Variants in ETV6 observed in about 807,000 individuals in gnomAD.
ETV6 encodes the protein transcription factor ETV6.
Under a neutral mutation model 51.1 loss-of-function variants are expected in ETV6, and 16 were observed. The observed-to-expected ratio is 0.31, with a 90% confidence interval of 0.21 to 0.48. The LOEUF is 0.48. Among genes scored for constraint, ETV6 ranks in the 20% least tolerant of loss-of-function variants. The pLI, the probability that ETV6 is intolerant of heterozygous loss-of-function variation, is 0.99. For missense variants in ETV6, 458 were observed against 594.8 expected (o/e 0.77, Z 2.39); for synonymous variants, 240 against 224.1 (o/e 1.07, Z -0.64).
rs374744954 is a variant in ETV6 at position 11,869,941 on chromosome 12, G to A, written c.981G>A (p.Glu327=). 9 of 1,608,196 alleles carry A rather than the reference G, an allele frequency of 5.6e-6. No homozygotes were observed. Among genetic ancestry groups the A allele is most frequent in the Non-Finnish European group, 7.6e-6 (9 of 1,179,576 alleles). Reference sequence around the variant, plus strand: ...TGGTCTCTGTCTCCCCGCCTGAAGAGCACGCCATGCCCATTGGGAGAATAG... The same window carrying A: ...TGGTCTCTGTCTCCCCGCCTGAAGAACACGCCATGCCCATTGGGAGAATAG... ...HIMVSVSPPE[E]HAMPIGRIAD... The change falls in exon 5 of 8, where the codon GAG becomes GAA. Residue 327 remains glutamate, a synonymous_variant. Coordinates refer to ENST00000396373, the MANE Select transcript of ETV6 (RefSeq NM_001987.5). The surrounding 1 kb of genome is among the most constrained non-coding windows in gnomAD (Gnocchi z 5.0).
At chr12:11,653,844 C>T (rs998448302) in intron 1 of ETV6, among the ~76,000 whole-genome samples, 13 of 152,146 alleles carry the variant, frequency 8.5e-5, no homozygotes, top group East Asian at 5.8e-4. Context: ...GACAGAGTCT[C>T]GCTCTGTCGC....
At chr12:11,714,579 G>T (rs1865235179) in intron 1 of ETV6, among the ~76,000 whole-genome samples, 1 of 138,378 alleles carries the variant, frequency 7.2e-6, no homozygotes, top group Non-Finnish European at 1.5e-5. Flanking sequence ...GAGAACCAAA[G>T]ACGGAAAAAG....
intron 1 of ETV6, among the ~76,000 whole-genome samples, chr12:11,659,118 G>A (rs1864052802): frequency 6.6e-6 from 1 of 152,234 alleles, no homozygotes; most frequent in African/African-American, 2.4e-5. Context: ...GCAGGGAGTA[G>A]ATGGCCCTTC....
At position 11,777,043 on chromosome 12, in the gene ETV6, C is replaced by T. The variant is rs562877548; in HGVS notation, c.163+24464C>T. 1.5e-3 allele frequency among the ~76,000 whole-genome samples: 231 copies of T among 152,190 alleles called. 1 individual carries two copies. The highest frequency in any genetic ancestry group is 5.4e-3 in the African/African-American group (226 of 41,540). On this transcript the variant is annotated intron_variant, in intron 2 of 7. Transcript: ENST00000396373. ...CACAAGGTCAGGAGACTGCGACCAT[C>T]CTGGCTAACACAGTGAAACCCCGTC... is the stretch of plus-strand genomic sequence containing the variant.
intron 1 of ETV6, among the ~76,000 whole-genome samples, chr12:11,676,847 T>G (rs1184285000): frequency 6.6e-6 from 1 of 152,222 alleles, no homozygotes; most frequent in Non-Finnish European, 1.5e-5. Flanking sequence ...ATTTGGTCTT[T>G]GATTTTTTTC....
chr12:11,728,858 TAGTTACC>T (rs974212196), intron 1 of ETV6, among the ~76,000 whole-genome samples: 7 of 152,244 alleles, frequency 4.6e-5, no homozygotes, highest in African/African-American at 1.7e-4. Context: ...CCTTTTTGCA[TAGTTACC>T]AGTTACCCGT....
At chr12:11,746,943 A>G (rs1865920655) in intron 1 of ETV6, among the ~76,000 whole-genome samples, 3 of 152,200 alleles carry the variant, frequency 2.0e-5, no homozygotes, top group Admixed American at 1.3e-4. Context: ...CCAGAAAGGC[A>G]GAAGAAAGGG....
intron 4 of ETV6, among the ~76,000 whole-genome samples, chr12:11,862,870 C>T (rs1946736233): frequency 6.6e-6 from 1 of 152,148 alleles, no homozygotes; most frequent in South Asian, 2.1e-4. Context: ...TGAATTCCAC[C>T]TCAAGACCTT....
chr12:11,881,210 T>C (rs777667199), intron 5 of ETV6, among the ~76,000 whole-genome samples: 5 of 152,096 alleles, frequency 3.3e-5, no homozygotes, highest in Non-Finnish European at 7.4e-5. Context: ...AAAACAAACA[T>C]TGGGATTATA....
intron 2 of ETV6, among the ~76,000 whole-genome samples, chr12:11,828,482 T>C (rs1489340619): frequency 1.3e-5 from 2 of 152,202 alleles, no homozygotes; most frequent in Non-Finnish European, 2.9e-5. Context: ...AGGAGAGACA[T>C]ATATCTCTCT....
Position 11,736,082 on chromosome 12 carries a change from G to GT in ETV6, c.34-16360dup, listed in dbSNP as rs949994948. The stretch of plus-strand genomic sequence containing the variant: ...TTTCTTTTCCTTTTCCCTTAAGTAA[G>GT]TTTTTTTTCCCTCTAGCCTATAAGC... On this transcript the variant is annotated intron_variant, in intron 1 of 7. Transcript: ENST00000396373. 1.7e-4 allele frequency among the ~76,000 whole-genome samples: 26 copies of GT among 152,118 alleles called. No individual in the cohort carries two copies. The South Asian group carries it at 2.1e-3, about 12-fold the overall frequency.
chr12:11,668,887 A>G (rs2724589), intron 1 of ETV6, among the ~76,000 whole-genome samples: 68,662 of 151,952 alleles, frequency 0.45, 16,682 homozygotes, highest in Middle Eastern at 0.58. Flanking sequence ...CCTTTGGCAC[A>G]TCCCTGTGCT....
chr12:11,827,288 AG>A (rs1946171896), intron 2 of ETV6, among the ~76,000 whole-genome samples: 1 of 152,056 alleles, frequency 6.6e-6, no homozygotes, highest in Non-Finnish European at 1.5e-5. Context: ...CTTTCGGTGG[AG>A]GGTAGATTCG....
intron 1 of ETV6, among the ~76,000 whole-genome samples, chr12:11,720,504 G>A (rs568868711): frequency 6.6e-6 from 1 of 152,336 alleles, no homozygotes; most frequent in East Asian, 1.9e-4. Context: ...CATAAATGGT[G>A]CTGGGATAGC....
chr12:11,792,036 C>G (rs1055164122), intron 2 of ETV6, among the ~76,000 whole-genome samples: 1 of 152,156 alleles, frequency 6.6e-6, no homozygotes, highest in African/African-American at 2.4e-5. Flanking sequence ...AAGCAAGGAG[C>G]CAGCTCTGAG....
At chr12:11,674,615 TTGTGTGTGTGTGTGTGTGTGTGTGTG>T (rs5796457) in intron 1 of ETV6, among the ~76,000 whole-genome samples, 5 of 133,162 alleles carry the variant, frequency 3.8e-5, no homozygotes, top group South Asian at 2.6e-4. Context: ...TAGGGGTTAT[TTGTGTGTGTGTGTGTGTGTGTGTGTG>T]TGTGTGTGTG....
intron 1 of ETV6, among the ~76,000 whole-genome samples, chr12:11,742,887 G>A (rs1324948044): frequency 7.0e-6 from 1 of 143,112 alleles, no homozygotes; most frequent in Non-Finnish European, 1.5e-5. Flanking sequence ...GCTCACTGTA[G>A]CCTCAACCTC....
At position 11,723,267 on chromosome 12, in the gene ETV6, T is replaced by C. The variant is rs1865426538; in HGVS notation, c.34-29183T>C. Among the ~76,000 whole-genome samples the C allele has an allele frequency of 2.0e-5, 3 of 152,182 alleles. No individual in the cohort carries two copies. The South Asian group carries it at 6.2e-4, about 32-fold the overall frequency. ...AGGTTAGTATGACACGGTTATAGGC[T>C]CTCTGTAACAATGAATATAGTGACT... On this transcript the variant is annotated intron_variant, in intron 1 of 7. Transcript: ENST00000396373.
intron 4 of ETV6, among the ~76,000 whole-genome samples, chr12:11,854,128 G>C (rs773555420): frequency 1.3e-5 from 2 of 152,124 alleles, no homozygotes; most frequent in Non-Finnish European, 2.9e-5. Flanking sequence ...GGTGATGGGA[G>C]ACAGTGACAG....
Sources: gnomAD v4.1 joint callset for allele counts (sites outside exome capture counted in the v4.1 genomes callset) on GRCh38, gnomAD v4.1.1 for gene constraint, Gnocchi (gnomAD v3.1) non-coding constraint, MANE v1.5 for transcripts, NCBI Gene and HGNC (gene_info 2026-07-23, HGNC 2026-07-21) for gene names.